PRKG1: variants seen among roughly 807,000 people sequenced by gnomAD.
The protein encoded by PRKG1 is protein kinase cGMP-dependent 1, also known as cGMP-dependent protein kinase 1.
PRKG1 carries 35 observed loss-of-function variants against 88.1 expected under a neutral mutation model. That is an observed-to-expected ratio of 0.40 (90% CI 0.30 to 0.53). The LOEUF is 0.53. Among genes scored for constraint, PRKG1 ranks in the 20% least tolerant of loss-of-function variants. PRKG1 has a pLI of 0.59. For missense variants in PRKG1, 540 were observed against 839.8 expected (o/e 0.64, Z 4.41); for synonymous variants, 303 against 292.5 (o/e 1.04, Z -0.37).
rs140538529 is a variant in PRKG1, at chr10:51,862,091, C to T, written c.699-45416C>T. 4.9e-3 allele frequency among the ~76,000 whole-genome samples: 745 copies of T among 152,264 alleles called. 8 individuals carry two copies. The highest frequency in any genetic ancestry group is 0.017 in the African/African-American group (686 of 41,550). On this transcript the variant is annotated intron_variant, in intron 4 of 17. Coordinates refer to ENST00000373980, the MANE Select transcript of PRKG1 (RefSeq NM_006258.4). Reference sequence around the variant, plus strand: ...TCTAGGGAGTCCCAAGGTTTGAGCCCCCAAGAAATGTTACAGTTCTGTCTC... The same window carrying T: ...TCTAGGGAGTCCCAAGGTTTGAGCCTCCAAGAAATGTTACAGTTCTGTCTC...
intron 5 of PRKG1, among the ~76,000 whole-genome samples, chr10:51,923,947 G>A (rs767288294): frequency 4.5e-4 from 68 of 151,652 alleles, no homozygotes; most frequent in South Asian, 8.3e-4. Context: ...TCCCACCTAG[G>A]TCTCTTGAGT....
At chr10:51,922,146 T>C (rs1842475726) in intron 5 of PRKG1, among the ~76,000 whole-genome samples, 1 of 151,886 alleles carries the variant, frequency 6.6e-6, no homozygotes, top group Non-Finnish European at 1.5e-5. Context: ...ATCATGTCTT[T>C]TAAGGAATTG....
At chr10:51,178,120 A>T (rs910795120) in intron 2 of PRKG1, among the ~76,000 whole-genome samples, 1 of 152,094 alleles carries the variant, frequency 6.6e-6, no homozygotes, top group South Asian at 2.1e-4. Context: ...TGTCTGCTAC[A>T]CATTCACAGT....
At chr10:52,292,046 G>T (rs998549935) in intron 17 of PRKG1, among the ~76,000 whole-genome samples, 18 of 152,152 alleles carry the variant, frequency 1.2e-4, no homozygotes, top group African/African-American at 4.1e-4. Context: ...TTTTTTGGCT[G>T]CATAAATGTC....
At chr10:51,166,485 T>G (rs1052346100) in intron 2 of PRKG1, among the ~76,000 whole-genome samples, 1 of 152,200 alleles carries the variant, frequency 6.6e-6, no homozygotes, top group African/African-American at 2.4e-5. Flanking sequence ...TAGGTATTGA[T>G]GATAAAGCTC....
At chr10:51,278,666 C>T (rs1305914180) in intron 2 of PRKG1, among the ~76,000 whole-genome samples, 1 of 152,096 alleles carries the variant, frequency 6.6e-6, no homozygotes, top group Non-Finnish European at 1.5e-5. Flanking sequence ...TCAACTTCTT[C>T]CTGGTTTAGT....
At chr10:51,259,196 A>G (rs1023875559) in intron 2 of PRKG1, among the ~76,000 whole-genome samples, 2 of 152,214 alleles carry the variant, frequency 1.3e-5, no homozygotes, top group African/African-American at 4.8e-5. Context: ...ATATACGTAT[A>G]TGCATATACT....
chr10:51,521,043 C>T (rs1345187215), intron 3 of PRKG1, among the ~76,000 whole-genome samples: 1 of 152,246 alleles, frequency 6.6e-6, no homozygotes, highest in East Asian at 1.9e-4. Context: ...GTAATCCCAG[C>T]ACTGGGAGGC....
intron 2 of PRKG1, among the ~76,000 whole-genome samples, chr10:51,190,524 G>A (rs1448594049): frequency 6.6e-6 from 1 of 151,840 alleles, no homozygotes; most frequent in Admixed American, 6.6e-5. Flanking sequence ...TGGTATAGTG[G>A]AAGACAGGAA....
intron 5 of PRKG1, among the ~76,000 whole-genome samples, chr10:52,035,071 T>C (rs1228128804): frequency 6.6e-6 from 1 of 152,178 alleles, no homozygotes; most frequent in Non-Finnish European, 1.5e-5. Context: ...CTTGGCTGAT[T>C]TGACTAATAA....
chr10:51,988,074 A>G (rs1844209025), intron 5 of PRKG1, among the ~76,000 whole-genome samples: 1 of 151,966 alleles, frequency 6.6e-6, no homozygotes, highest in Non-Finnish European at 1.5e-5. Flanking sequence ...CTCCTTTTTC[A>G]CAGGTAACCA....
In PRKG1 at chr10:51,522,744, A is replaced by G. The variant is rs374985551; in HGVS notation, c.592+54908A>G. Among the ~76,000 whole-genome samples the G allele has an allele frequency of 2.0e-3, 305 of 152,322 alleles. 18 individuals carry two copies. In the South Asian group the frequency reaches 0.061, roughly 31 times the overall value. On this transcript the variant is annotated intron_variant, in intron 3 of 17. Transcript: ENST00000373980. ...CATCTCCAAACAAAATATTGGTACA[A>G]TGAAAAATCTACCTGCTTTTTTTTA... is the stretch of plus-strand genomic sequence containing the variant.
intron 3 of PRKG1, among the ~76,000 whole-genome samples, chr10:51,595,317 G>T (rs1217208562): frequency 6.6e-6 from 1 of 151,896 alleles, no homozygotes; most frequent in African/African-American, 2.4e-5. Flanking sequence ...GAAAGACCTT[G>T]TTTCAAAAAA....
intron 9 of PRKG1, among the ~76,000 whole-genome samples, chr10:52,180,321 G>A (rs1157881378): frequency 6.6e-6 from 1 of 152,064 alleles, no homozygotes; most frequent in Non-Finnish European, 1.5e-5. Context: ...TTGTTTCCCG[G>A]ATTTGTTTAA....
chr10:51,758,251 T>C (rs776445075), intron 3 of PRKG1, among the ~76,000 whole-genome samples: 76 of 152,172 alleles, frequency 5.0e-4, no homozygotes, highest in African/African-American at 7.2e-4. Context: ...GAGAGTAAAA[T>C]TGACAGTTCT....
At chr10:51,610,745 C>T (rs926770906) in intron 3 of PRKG1, among the ~76,000 whole-genome samples, 3 of 152,058 alleles carry the variant, frequency 2.0e-5, no homozygotes, top group Non-Finnish European at 4.4e-5. Context: ...TTTGCAGGGA[C>T]AGGGATAAAG....
chr10:51,057,989 G>C (rs914742985), intron 1 of PRKG1, among the ~76,000 whole-genome samples: 3 of 152,140 alleles, frequency 2.0e-5, no homozygotes, highest in Non-Finnish European at 2.9e-5. Flanking sequence ...AATAGTGGAT[G>C]AAAGTTCCTA....
At chr10:51,450,050 ATAT>A (rs1839390171) in intron 2 of PRKG1, among the ~76,000 whole-genome samples, 1 of 152,026 alleles carries the variant, frequency 6.6e-6, no homozygotes, top group African/African-American at 2.4e-5. Context: ...TGGAAGGGAC[ATAT>A]TATTCATAGA....
chr10:51,707,481 C>G (rs1386656507), intron 3 of PRKG1, among the ~76,000 whole-genome samples: 1 of 152,170 alleles, frequency 6.6e-6, no homozygotes, highest in Non-Finnish European at 1.5e-5. Context: ...GTGCTTCAGG[C>G]TGTCACCCGA....
Sources: allele counts gnomAD v4.1 joint callset (sites outside exome capture counted in the v4.1 genomes callset), GRCh38; gene constraint gnomAD v4.1.1; transcripts MANE v1.5; gene names NCBI Gene and HGNC (gene_info 2026-07-23, HGNC 2026-07-21).